Variants in RBBP7 observed in about 807,000 individuals in gnomAD.
RBBP7 encodes RB binding protein 7, chromatin remodeling factor.
Under a neutral mutation model 35.2 loss-of-function variants are expected in RBBP7, and 5 were observed. That is an observed-to-expected ratio of 0.14 (90% CI 0.07 to 0.30). The LOEUF (loss-of-function observed/expected upper bound fraction) is 0.30. Ranked by LOEUF, RBBP7 falls within the 10% of genes least tolerant of loss-of-function variation. The pLI, the probability that RBBP7 is intolerant of heterozygous loss-of-function variation, is 1.00. For synonymous variants in RBBP7, 140 were observed against 118.7 expected (o/e 1.18, Z -1.17); for missense variants, 155 against 327.5 (o/e 0.47, Z 4.07).
chrX:16,859,884 C>G (rs1474918108), intron 3 of RBBP7, among the ~76,000 whole-genome samples: 1 of 111,274 alleles, frequency 9.0e-6, no homozygotes, highest in East Asian at 2.8e-4. Flanking sequence ...TTAATGAACA[C>G]TCGCTTCCAT....
At chrX:16,845,603 A>G (rs1930054290) in intron 11 of RBBP7, among the ~76,000 whole-genome samples, 1 of 112,491 alleles carries the variant, frequency 8.9e-6, no homozygotes, top group Admixed American at 9.5e-5. Context: ...GTGCAGATGC[A>G]GAGATTTCTC....
In RBBP7 at chrX:16,869,077, T is replaced by TA. The variant is rs1569064608; in HGVS notation, c.159dup (p.Lys54Ter). 1 of 1,197,246 alleles carries TA rather than the reference T, an allele frequency of 8.4e-7. No individual in the cohort carries two copies. The highest frequency in any genetic ancestry group is 1.1e-6 in the Non-Finnish European group (1 of 891,484). ...ATAAAAGTTGCCAGAAACCCTTACTTAGTCACTTCAGGAAGCCACTGAACG... is the reference window on the plus strand; with the variant it reads ...ATAAAAGTTGCCAGAAACCCTTACTTAAGTCACTTCAGGAAGCCACTGAACG... On this transcript the variant is annotated frameshift_variant and splice_region_variant, in exon 2 of 12. Coordinates refer to ENST00000380087, the MANE Select transcript of RBBP7 (RefSeq NM_002893.4). LOFTEE classifies it high-confidence loss of function.
Position 16,852,505 on chromosome X carries a change from T to C in RBBP7, c.963+46A>G, listed in dbSNP as rs375761754. 5.1e-6 allele frequency: 6 copies of C among 1,169,736 alleles called. No individual in the cohort carries two copies. The African/African-American group carries it at 8.8e-5, about 17-fold the overall frequency. The stretch of plus-strand genomic sequence containing the variant: ...TGGTATAGCTTAACTGATGAATCCC[T>C]GGATTTCATTTCCTGACATACAGAC... On this transcript the variant is annotated intron_variant, in intron 8 of 11. Coordinates refer to ENST00000380087, the MANE Select transcript of RBBP7 (RefSeq NM_002893.4).
chrX:16,867,376 T>C (rs1259622191), intron 2 of RBBP7, among the ~76,000 whole-genome samples: 1 of 112,232 alleles, frequency 8.9e-6, no homozygotes, highest in Non-Finnish European at 1.9e-5. Context: ...ATTTAGTTAA[T>C]ACATTTTAAA....
intron 5 of RBBP7, 127 bp downstream of exon 5, chrX:16,857,467 G>A: frequency 9.6e-7 from 1 of 1,045,063 alleles, no homozygotes; most frequent in Non-Finnish European, 1.3e-6. Context: ...AAGTCCTGGG[G>A]GAATGTTACC....
chrX:16,844,936 C>T lies in RBBP7; in HGVS notation c.*99G>A. 1.4e-6 allele frequency: 1 copy of T among 719,950 alleles called. No individual in the cohort carries two copies. The highest frequency in any genetic ancestry group is 2.1e-5 in the African/African-American group (1 of 47,992). The allele number at this position is 719,950 out of a possible 1,213,427, so 59.3% of individuals were successfully genotyped here. On this transcript the variant is annotated 3_prime_UTR_variant, in exon 12 of 12. Coordinates refer to ENST00000380087, the MANE Select transcript of RBBP7 (RefSeq NM_002893.4). ...GAGGATAAAGAAGCCATAAGCCACC[C>T]CACTTACATTTCCTACTATACAATG...
At chrX:16,866,788 C>T (rs1930635909) in intron 2 of RBBP7, among the ~76,000 whole-genome samples, 1 of 109,859 alleles carries the variant, frequency 9.1e-6, no homozygotes, top group African/African-American at 3.3e-5. Flanking sequence ...TGATAAAACA[C>T]AGTCCCTTTA....
In RBBP7 at chrX:16,858,795, T is replaced by C. The variant is rs767426384; in HGVS notation, c.362A>G (p.Asn121Ser). ...TGKIECEIKI[N>S]HEGEVNRARY... Reference sequence around the variant, plus strand: ...AGCACGGTTTACTTCTCCTTCGTGATTGATTTTAATTTCACATTCAATTTT... The same window carrying C: ...AGCACGGTTTACTTCTCCTTCGTGACTGATTTTAATTTCACATTCAATTTT... The change falls in exon 4 of 12, where the codon AAT (asparagine) becomes AGT (serine). Residue 121 changes from asparagine to serine, a missense_variant. Coordinates refer to ENST00000380087, the MANE Select transcript of RBBP7 (RefSeq NM_002893.4). 3 of 1,209,832 alleles carry C rather than the reference T, an allele frequency of 2.5e-6. No homozygotes were observed. The highest frequency in any genetic ancestry group is 4.4e-5 in the Admixed American group (2 of 45,622).
rs192304967 is a variant in RBBP7, at chrX:16,856,474, G to A, written c.597+1120C>T. On this transcript the variant is annotated intron_variant, in intron 5 of 11. Coordinates refer to ENST00000380087, the MANE Select transcript of RBBP7 (RefSeq NM_002893.4). ...GGACCTGAGAGGTGGAGGTTGCAGT[G>A]AGCTGAGATCGTGCCACTATACTCC... is the stretch of plus-strand genomic sequence containing the variant. 1.3e-3 allele frequency among the ~76,000 whole-genome samples: 149 copies of A among 110,584 alleles called. 2 individuals carry two copies. The highest frequency in any genetic ancestry group is 2.2e-3 in the Non-Finnish European group (117 of 52,904).
chrX:16,870,173 C>T lies in RBBP7; in HGVS notation c.-120G>A. On this transcript the variant is annotated 5_prime_UTR_variant, in exon 1 of 12. Transcript: ENST00000380087. ...CGTCACACTCCCCACTGTCGAAAGC[C>T]CGGGCCCCGTCTTGCTGCCTGGGTG... 1 of 879,825 alleles carries T rather than the reference C, an allele frequency of 1.1e-6. No homozygotes were observed. The highest frequency in any genetic ancestry group is 5.7e-5 in the East Asian group (1 of 17,493). The allele number at this position is 879,825 out of a possible 1,213,427, so 72.5% of individuals were successfully genotyped here. A position where few individuals can be genotyped will look rare whatever the true frequency, so the allele number is the denominator to read the frequency against.
chrX:16,859,426 T>C (rs935752446), intron 3 of RBBP7, among the ~76,000 whole-genome samples: 1 of 111,622 alleles, frequency 9.0e-6, no homozygotes, highest in Admixed American at 9.5e-5. Flanking sequence ...AAGGTTAACC[T>C]CTCCGCCCAT....
At chrX:16,849,948 G>A (rs1044341076) in intron 9 of RBBP7, among the ~76,000 whole-genome samples, 1 of 112,047 alleles carries the variant, frequency 8.9e-6, no homozygotes, top group East Asian at 2.8e-4. Flanking sequence ...ACTTCAATTT[G>A]TAGAATTTGC....
At chrX:16,860,219 G>A (rs931499841) in intron 3 of RBBP7, among the ~76,000 whole-genome samples, 4 of 86,797 alleles carry the variant, frequency 4.6e-5, no homozygotes, top group Non-Finnish European at 8.4e-5. Context: ...CTGCTACAAA[G>A]ATACTCAAGT....
At position 16,854,924 on chromosome X, in the gene RBBP7, TAAGA is replaced by T. The variant is rs752216474; in HGVS notation, c.598-1086_598-1083del. ...GCAACGATTCTCATTCAATAGTTAA[TAAGA>T]AATAATACCATGAAGGTATATTAGC... is the stretch of plus-strand genomic sequence containing the variant. On this transcript the variant is annotated intron_variant, in intron 5 of 11. Coordinates refer to ENST00000380087, the MANE Select transcript of RBBP7 (RefSeq NM_002893.4). Among the ~76,000 whole-genome samples, 10 of 108,406 alleles carry T rather than the reference TAAGA, an allele frequency of 9.2e-5. No homozygotes were observed. In the East Asian group the frequency reaches 2.9e-3, roughly 31 times the overall value. The allele number at this position is 108,406 out of a possible 115,157, so 94.1% of individuals were successfully genotyped here.
intron 2 of RBBP7, among the ~76,000 whole-genome samples, chrX:16,866,575 A>AAAAGAAAGC (rs1930628581): frequency 9.9e-6 from 1 of 101,188 alleles, no homozygotes. Context: ...AGAAAGCAAG[A>AAAAGAAAGC]AAGCAAGAAA....
At position 16,870,105 on chromosome X, in the gene RBBP7, C is replaced by T; in HGVS notation, c.-52G>A. 2 of 1,058,373 alleles carry T rather than the reference C, an allele frequency of 1.9e-6. No homozygotes were observed. The highest frequency in any genetic ancestry group is 2.5e-6 in the Non-Finnish European group (2 of 813,719). The allele number at this position is 1,058,373 out of a possible 1,213,427, so 87.2% of individuals were successfully genotyped here. A position where few individuals can be genotyped will look rare whatever the true frequency, so the allele number is the denominator to read the frequency against. On this transcript the variant is annotated 5_prime_UTR_variant, in exon 1 of 12. Coordinates refer to ENST00000380087, the MANE Select transcript of RBBP7 (RefSeq NM_002893.4). The stretch of plus-strand genomic sequence containing the variant: ...CGCCGCCTCGGACTCCTCTCGTTAG[C>T]CAAGAGCAGCCCGACCGCTGGCGCT...
In RBBP7 at chrX:16,849,283, T is replaced by C. The variant is rs761991566; in HGVS notation, c.1059A>G (p.Gln353=). Residue 353 remains glutamine, a synonymous_variant, in exon 10 of 12, where the codon CAA becomes CAG. Coordinates refer to ENST00000380087, the MANE Select transcript of RBBP7 (RefSeq NM_002893.4). ...GCCCATCTTCTGCATCTTCTGCTGATTGTTCTTCCCCAATTTTACTGTAAG... is the reference window on the plus strand; with the variant it reads ...GCCCATCTTCTGCATCTTCTGCTGACTGTTCTTCCCCAATTTTACTGTAAG... The part of the protein sequence containing the change: ...VWDLSKIGEE[Q]SAEDAEDGPP... 2.5e-6 allele frequency: 3 copies of C among 1,210,481 alleles called. No homozygotes were observed. Among genetic ancestry groups the C allele is most frequent in the South Asian group, 3.5e-5 (2 of 56,780 alleles).
chrX:16,861,321 C>T (rs1427126490), intron 3 of RBBP7, among the ~76,000 whole-genome samples: 2 of 111,927 alleles, frequency 1.8e-5, no homozygotes, highest in Non-Finnish European at 3.8e-5. Context: ...ACAATGAATA[C>T]ACCATACAAC....
chrX:16,866,850 G>C (rs1189170076), intron 2 of RBBP7, among the ~76,000 whole-genome samples: 1 of 110,822 alleles, frequency 9.0e-6, no homozygotes, highest in Non-Finnish European at 1.9e-5. Context: ...CAACATCCAA[G>C]AATGCAGGCT....
Sources: gnomAD v4.1 joint callset for allele counts (sites outside exome capture counted in the v4.1 genomes callset) on GRCh38, gnomAD v4.1.1 for gene constraint, MANE v1.5 for transcripts, NCBI Gene and HGNC (gene_info 2026-07-23, HGNC 2026-07-21) for gene names.